TNFSF4: variants seen among roughly 807,000 people sequenced by gnomAD.
The protein encoded by TNFSF4 is TNF superfamily member 4.
A neutral mutation model predicts 7.3 loss-of-function variants in TNFSF4; 4 were observed. That is an observed-to-expected ratio of 0.55 (90% CI 0.27 to 1.25). TNFSF4 has a LOEUF of 1.25. TNFSF4 is among the 50% of genes most tolerant of loss of function. The probability of loss-of-function intolerance (pLI) is 0.12; values close to 1 mark genes in which losing one functional copy is unlikely to be tolerated. For missense variants in TNFSF4, 181 were observed against 208.8 expected (o/e 0.87, Z 0.82); for synonymous variants, 76 against 83.7 (o/e 0.91, Z 0.50).
chr1:173,326,647 CT>C, the TNFSF4 span, among the ~76,000 whole-genome samples: 1 of 152,084 alleles, frequency 6.6e-6, no homozygotes, highest in Non-Finnish European at 1.5e-5. Context: ...TCTCCTTAAG[CT>C]GATAAGCAAC....
At chr1:173,256,721 T>A in the TNFSF4 span, among the ~76,000 whole-genome samples, 1 of 152,188 alleles carries the variant, frequency 6.6e-6, no homozygotes, top group East Asian at 1.9e-4. Context: ...TACTACTCTA[T>A]CTTAGAAACA....
intron 2 of TNFSF4, 34 bp downstream of exon 2, chr1:173,188,487 A>C (rs778617751): frequency 3.3e-5 from 50 of 1,523,684 alleles, no homozygotes; most frequent in Non-Finnish European, 4.5e-5. Context: ...TTCTTTCAAA[A>C]ATATGAATCA....
the TNFSF4 span, among the ~76,000 whole-genome samples, chr1:173,245,556 C>T: frequency 6.6e-6 from 1 of 152,144 alleles, no homozygotes; most frequent in East Asian, 1.9e-4. Flanking sequence ...GGGTATTTAG[C>T]TTATCCATTA....
At chr1:173,258,884 G>A in the TNFSF4 span, among the ~76,000 whole-genome samples, 1 of 152,174 alleles carries the variant, frequency 6.6e-6, no homozygotes, top group Admixed American at 6.5e-5. Flanking sequence ...GATGGAAGGA[G>A]CAGCCATGGT....
chr1:173,324,673 A>G, the TNFSF4 span, among the ~76,000 whole-genome samples: 1 of 152,176 alleles, frequency 6.6e-6, no homozygotes, highest in Non-Finnish European at 1.5e-5. Flanking sequence ...AGGAAGATCT[A>G]CCAAGCAAAT....
chr1:173,225,176 T>C, the TNFSF4 span, among the ~76,000 whole-genome samples: 2 of 152,176 alleles, frequency 1.3e-5, no homozygotes, highest in African/African-American at 2.4e-5. Flanking sequence ...ACTACTGGAT[T>C]AGTTTGAATG....
At chr1:173,405,176 G>C in the TNFSF4 span, among the ~76,000 whole-genome samples, 2 of 152,102 alleles carry the variant, frequency 1.3e-5, no homozygotes, top group Admixed American at 1.3e-4. Flanking sequence ...CAAGGTAAAG[G>C]GCTAGACTGC....
At chr1:173,364,506 T>G in the TNFSF4 span, among the ~76,000 whole-genome samples, 1 of 151,760 alleles carries the variant, frequency 6.6e-6, no homozygotes, top group Non-Finnish European at 1.5e-5. Flanking sequence ...TGGTTTCCTC[T>G]GGGGAACTGG....
the TNFSF4 span, among the ~76,000 whole-genome samples, chr1:173,215,135 G>T: frequency 6.6e-6 from 1 of 152,232 alleles, no homozygotes; most frequent in East Asian, 1.9e-4. Flanking sequence ...AGACACCAGA[G>T]ACCTTGAGCC....
the TNFSF4 span, among the ~76,000 whole-genome samples, chr1:173,299,671 AT>A: frequency 6.6e-6 from 1 of 151,958 alleles, no homozygotes; most frequent in Non-Finnish European, 1.5e-5. Context: ...TTAAGGCTTT[AT>A]ATGGCTTTAT....
chr1:173,307,313 T>C, the TNFSF4 span, among the ~76,000 whole-genome samples: 1 of 151,894 alleles, frequency 6.6e-6, no homozygotes. Flanking sequence ...TAGCCAAGAA[T>C]GCAAAATCTA....
At chr1:173,361,188 T>C in the TNFSF4 span, among the ~76,000 whole-genome samples, 1 of 152,192 alleles carries the variant, frequency 6.6e-6, no homozygotes, top group Admixed American at 6.5e-5. Context: ...TTAAAATAGG[T>C]GGGTCCAGAT....
chr1:173,177,593 T>G, the TNFSF4 span, among the ~76,000 whole-genome samples: 27,914 of 152,162 alleles, frequency 0.18, 2,734 homozygotes, highest in Middle Eastern at 0.26. Context: ...AAAATAAATT[T>G]TTTTTAAAAT....
At chr1:173,301,204 A>C in the TNFSF4 span, among the ~76,000 whole-genome samples, 1 of 151,912 alleles carries the variant, frequency 6.6e-6, no homozygotes, top group Non-Finnish European at 1.5e-5. Context: ...GAACTTTAAC[A>C]AATCTATTTT....
At chr1:173,229,859 G>T in the TNFSF4 span, among the ~76,000 whole-genome samples, 1 of 152,024 alleles carries the variant, frequency 6.6e-6, no homozygotes, top group Admixed American at 6.6e-5. Flanking sequence ...ATGGTAAAGG[G>T]ATCAATTCAA....
In TNFSF4 at chr1:173,183,792, T is replaced by C. The variant is rs1649107466; in HGVS notation, c.*2724A>G. ...AATAGCAATATTACTATTAACTATATTATTAATATCAATATTAATACTCTC... is the reference window on the plus strand; with the variant it reads ...AATAGCAATATTACTATTAACTATACTATTAATATCAATATTAATACTCTC... On this transcript the variant is annotated 3_prime_UTR_variant, in exon 3 of 3. Coordinates refer to ENST00000281834, the MANE Select transcript of TNFSF4 (RefSeq NM_003326.5). The C allele has an allele frequency of 1.3e-5, 2 of 152,176 alleles. No homozygotes were observed. Among genetic ancestry groups the C allele is most frequent in the South Asian group, 4.1e-4 (2 of 4,824 alleles). The allele number at this position is 152,176 out of a possible 1,614,324, so 9.4% of individuals were successfully genotyped here.
chr1:173,410,101 C>T, the TNFSF4 span, among the ~76,000 whole-genome samples: 8 of 151,924 alleles, frequency 5.3e-5, no homozygotes, highest in Admixed American at 2.0e-4. Flanking sequence ...CTCATCTCTA[C>T]AAAAAATCAA....
the TNFSF4 span, among the ~76,000 whole-genome samples, chr1:173,362,245 T>TA: frequency 3.9e-5 from 6 of 152,338 alleles, no homozygotes; most frequent in South Asian, 2.1e-4. Context: ...TTTTCTTTTT[T>TA]AAAAAAATGC....
the TNFSF4 span, among the ~76,000 whole-genome samples, chr1:173,439,528 G>T: frequency 6.6e-6 from 1 of 152,222 alleles, no homozygotes; most frequent in Admixed American, 6.5e-5. Flanking sequence ...TCTTATCAGA[G>T]AGTGAATGCC....
Sources: gnomAD v4.1 joint callset for allele counts (sites outside exome capture counted in the v4.1 genomes callset) on GRCh38, gnomAD v4.1.1 for gene constraint, MANE v1.5 for transcripts, NCBI Gene and HGNC (gene_info 2026-07-23, HGNC 2026-07-21) for gene names.